The following OSBPL8 variants were observed in gnomAD, a reference collection of about 807,000 sequenced individuals.
The protein encoded by OSBPL8 is oxysterol-binding protein-related protein 8.
In OSBPL8, 59 loss-of-function variants were observed where a neutral mutation model predicts 125.5. The observed-to-expected ratio is 0.47, with a 90% CI of 0.38 to 0.58. The LOEUF (loss-of-function observed/expected upper bound fraction) is 0.58, where lower values mean the gene tolerates loss of function less well. OSBPL8 is among the 20% of genes least tolerant of loss of function. The probability of loss-of-function intolerance (pLI) is 0.00; values close to 1 mark genes in which losing one functional copy is unlikely to be tolerated. For missense variants in OSBPL8, 758 were observed against 1,047.8 expected (o/e 0.72, Z 3.82); for synonymous variants, 330 against 338.9 (o/e 0.97, Z 0.29).
intron 5 of OSBPL8, among the ~76,000 whole-genome samples, chr12:76,407,643 A>T (rs1053177081): frequency 6.6e-6 from 1 of 152,248 alleles, no homozygotes; most frequent in East Asian, 1.9e-4. Flanking sequence ...AAAATCAGTA[A>T]GTTTCAGCTC....
At chr12:76,396,322 C>A (rs1264247066) in intron 8 of OSBPL8, among the ~76,000 whole-genome samples, 1 of 152,100 alleles carries the variant, frequency 6.6e-6, no homozygotes, top group Non-Finnish European at 1.5e-5. Context: ...AAGCAATACC[C>A]TCCCCGCCCA....
At chr12:76,480,167 C>CAAAAAAAA (rs57582036) in intron 2 of OSBPL8, among the ~76,000 whole-genome samples, 48 of 56,338 alleles carry the variant, frequency 8.5e-4, no homozygotes, top group East Asian at 1.2e-3. Context: ...AACTCCATCT[C>CAAAAAAAA]AAAAAAAAAA....
intron 2 of OSBPL8, among the ~76,000 whole-genome samples, chr12:76,472,815 C>CG (rs897069962): frequency 3.9e-5 from 6 of 152,212 alleles, no homozygotes; most frequent in African/African-American, 1.4e-4. Flanking sequence ...AGCATGACCA[C>CG]TGAAGCACAG....
intron 17 of OSBPL8, among the ~76,000 whole-genome samples, chr12:76,373,830 C>A (rs1351488029): frequency 6.6e-6 from 1 of 151,904 alleles, no homozygotes; most frequent in Non-Finnish European, 1.5e-5. Context: ...ATAAATAACA[C>A]CCCTTCCTTA....
chr12:76,523,535 A>T (rs528489455), intron 1 of OSBPL8, among the ~76,000 whole-genome samples: 1 of 152,220 alleles, frequency 6.6e-6, no homozygotes, highest in Non-Finnish European at 1.5e-5. Context: ...CAATGTGATG[A>T]CATGTGGAGA....
In OSBPL8 at chr12:76,355,595, A is replaced by G. The variant is rs770317002; in HGVS notation, c.*294T>C. ...AAAGACTACTGTCAGGTAGGAGTAC[A>G]TAAGAGACAATTGTGTATACATGTG... On this transcript the variant is annotated 3_prime_UTR_variant, in exon 24 of 24. Coordinates refer to ENST00000261183, the MANE Select transcript of OSBPL8 (RefSeq NM_020841.5). 2.2e-4 allele frequency: 51 copies of G among 230,486 alleles called. No homozygotes were observed. The highest frequency in any genetic ancestry group is 4.0e-4 in the Non-Finnish European group (47 of 118,952). 14.3% of individuals were successfully genotyped at this position (230,486 alleles called of 1,614,324 possible). A position where few individuals can be genotyped will look rare whatever the true frequency, so the allele number is the denominator to read the frequency against.
chr12:76,375,225 G>A (rs1458805805), intron 17 of OSBPL8, 48 bp downstream of exon 17: 3 of 1,257,520 alleles, frequency 2.4e-6, no homozygotes, highest in Non-Finnish European at 3.4e-6. Context: ...AATATTTATT[G>A]TATGGCTCTC....
intron 2 of OSBPL8, among the ~76,000 whole-genome samples, chr12:76,471,811 T>C (rs1279543018): frequency 6.6e-6 from 1 of 152,228 alleles, no homozygotes; most frequent in Non-Finnish European, 1.5e-5. Flanking sequence ...TCTTCAAACA[T>C]ACCATGTTGT....
At chr12:76,385,917 G>A in intron 14 of OSBPL8, 1 of 356,636 alleles carries the variant, frequency 2.8e-6, no homozygotes, top group Admixed American at 5.2e-5. Context: ...ATTAAAAAAA[G>A]GGCAGGGGGC....
intron 4 of OSBPL8, among the ~76,000 whole-genome samples, chr12:76,421,902 T>C (rs910695786): frequency 3.9e-5 from 6 of 151,930 alleles, no homozygotes; most frequent in African/African-American, 1.4e-4. Context: ...ACCCTAAAAA[T>C]ATCATAAATT....
chr12:76,442,030 T>C (rs1872245572), intron 4 of OSBPL8, among the ~76,000 whole-genome samples: 1 of 152,196 alleles, frequency 6.6e-6, no homozygotes, highest in Non-Finnish European at 1.5e-5. Context: ...CATGCTCGTA[T>C]AAAAACATCT....
chr12:76,391,907 G>T (rs1196301761), intron 10 of OSBPL8, among the ~76,000 whole-genome samples: 1 of 152,190 alleles, frequency 6.6e-6, no homozygotes, highest in Non-Finnish European at 1.5e-5. Context: ...TGATGAAAGT[G>T]GTTACAGAGC....
intron 4 of OSBPL8, chr12:76,422,532 C>T (rs778860973): frequency 4.4e-6 from 2 of 456,518 alleles, no homozygotes; most frequent in South Asian, 3.1e-5. Flanking sequence ...GGAGAAAGTT[C>T]ATTGTATCCT....
chr12:76,364,398 G>A (rs1952326465), intron 21 of OSBPL8, among the ~76,000 whole-genome samples: 1 of 152,096 alleles, frequency 6.6e-6, no homozygotes, highest in African/African-American at 2.4e-5. Context: ...ACTAACACAG[G>A]AACAGAAAAC....
At chr12:76,424,517 T>C (rs1869906270) in intron 4 of OSBPL8, among the ~76,000 whole-genome samples, 1 of 152,222 alleles carries the variant, frequency 6.6e-6, no homozygotes, top group African/African-American at 2.4e-5. Flanking sequence ...CATGTAATGG[T>C]GCTTGCCTTT....
intron 1 of OSBPL8, among the ~76,000 whole-genome samples, chr12:76,512,901 C>T (rs1881146923): frequency 6.6e-6 from 1 of 152,146 alleles, no homozygotes; most frequent in South Asian, 2.1e-4. Flanking sequence ...GATCTTTCAC[C>T]TCCCCAGTTA....
rs1275146642 is a variant in OSBPL8 at position 76,399,655 on chromosome 12, G to GTAATA, written c.468+217_468+218insTATTA. ...CTTTTTTAAAAGAACTATACTGTATGTAATTGATGCTATTGTTAAGAAAGA... is the reference window on the plus strand; with the variant it reads ...CTTTTTTAAAAGAACTATACTGTATGTAATATAATTGATGCTATTGTTAAGAAAGA... On this transcript the variant is annotated intron_variant, in intron 7 of 23. Transcript: ENST00000261183. Among the ~76,000 whole-genome samples, 7 of 152,320 alleles carry GTAATA rather than the reference G, an allele frequency of 4.6e-5. No homozygotes were observed. The South Asian group carries it at 1.4e-3, about 32-fold the overall frequency.
In OSBPL8 at chr12:76,352,057, G is replaced by A. The variant is rs945317945; in HGVS notation, c.*3832C>T. 3.3e-5 allele frequency: 5 copies of A among 152,318 alleles called. No individual in the cohort carries two copies. Among genetic ancestry groups the A allele is most frequent in the African/African-American group, 1.2e-4 (5 of 41,408 alleles). The allele number at this position is 152,318 out of a possible 1,614,324, so 9.4% of individuals were successfully genotyped here. ...ATTCTATCACACAAAACTGACCAGTGGTAGTGCTTGAATTTATGAATGGCC... is the reference window on the plus strand; with the variant it reads ...ATTCTATCACACAAAACTGACCAGTAGTAGTGCTTGAATTTATGAATGGCC... On this transcript the variant is annotated 3_prime_UTR_variant, in exon 24 of 24. Coordinates refer to ENST00000261183, the MANE Select transcript of OSBPL8 (RefSeq NM_020841.5).
rs973299173 is a variant in OSBPL8, at chr12:76,353,167, T to A, written c.*2722A>T. 7 of 152,418 alleles carry A rather than the reference T, an allele frequency of 4.6e-5. No individual in the cohort carries two copies. Among genetic ancestry groups the A allele is most frequent in the Non-Finnish European group, 4.4e-5 (3 of 67,876 alleles). 9.4% of individuals were successfully genotyped at this position (152,418 alleles called of 1,614,324 possible). Reference sequence around the variant, plus strand: ...AGGCCAACTTTTCAATGGAATGCGGTTACCAACTGAGCTGTGACAAAGAGT... The same window carrying A: ...AGGCCAACTTTTCAATGGAATGCGGATACCAACTGAGCTGTGACAAAGAGT... On this transcript the variant is annotated 3_prime_UTR_variant, in exon 24 of 24. Transcript: ENST00000261183.
Sources: gnomAD v4.1 joint callset for allele counts (sites outside exome capture counted in the v4.1 genomes callset) on GRCh38, gnomAD v4.1.1 for gene constraint, MANE v1.5 for transcripts, NCBI Gene and HGNC (gene_info 2026-07-23, HGNC 2026-07-21) for gene names.